The following AIG1 variants were observed in gnomAD, a reference collection of about 807,000 sequenced individuals.
The protein encoded by AIG1 is androgen induced 1, also known as androgen-induced gene 1 protein.
In AIG1, 23 loss-of-function variants were observed where a neutral mutation model predicts 31.4. The observed-to-expected ratio is 0.73, with a 90% CI of 0.53 to 1.04. The LOEUF is 1.04. AIG1 is among the 50% of genes least tolerant of loss of function. The pLI is 0.00. For synonymous variants in AIG1, 100 were observed against 110.5 expected, an observed-to-expected ratio of 0.90 and a Z score of 0.60; for missense variants, 274 against 295.0, an observed-to-expected ratio of 0.93 and a Z score of 0.52.
At chr6:143,110,896 C>G (rs1781220587) in intron 1 of AIG1, among the ~76,000 whole-genome samples, 1 of 152,130 alleles carries the variant, frequency 6.6e-6, no homozygotes, top group Admixed American at 6.5e-5. Flanking sequence ...TTCATTGATG[C>G]AAAGCAAATG....
At chr6:143,245,797 G>T (rs1387115589) in intron 3 of AIG1, among the ~76,000 whole-genome samples, 2 of 152,178 alleles carry the variant, frequency 1.3e-5, no homozygotes, top group African/African-American at 2.4e-5. Flanking sequence ...GCAACGCATA[G>T]TTGGTGAATT....
At chr6:143,172,874 G>T (rs1049577822) in intron 3 of AIG1, among the ~76,000 whole-genome samples, 3 of 152,102 alleles carry the variant, frequency 2.0e-5, no homozygotes, top group African/African-American at 7.2e-5. Flanking sequence ...CCGTAGCCTT[G>T]AATGATCGTT....
At chr6:143,109,053 C>G (rs140295613) in intron 1 of AIG1, among the ~76,000 whole-genome samples, 4 of 152,290 alleles carry the variant, frequency 2.6e-5, no homozygotes, top group South Asian at 4.1e-4. Flanking sequence ...TTCTTCAATT[C>G]TACAGATTTC....
chr6:143,247,395 G>A (rs1794694871), intron 3 of AIG1, among the ~76,000 whole-genome samples: 1 of 152,238 alleles, frequency 6.6e-6, no homozygotes, highest in African/African-American at 2.4e-5. Context: ...CTCCCAAAGT[G>A]TATCCAAGAT....
At chr6:143,065,601 G>A (rs1477644360) in intron 1 of AIG1, among the ~76,000 whole-genome samples, 1 of 152,174 alleles carries the variant, frequency 6.6e-6, no homozygotes, top group Non-Finnish European at 1.5e-5. Context: ...GTATTTTGAG[G>A]TCTTAAAGTA....
chr6:143,322,347 A>G (rs1385304632), intron 4 of AIG1, among the ~76,000 whole-genome samples: 1 of 152,210 alleles, frequency 6.6e-6, no homozygotes, highest in Non-Finnish European at 1.5e-5. Context: ...GTGGAATTTC[A>G]GATGTTCTTC....
chr6:143,319,216 G>A (rs1335178203), intron 4 of AIG1, among the ~76,000 whole-genome samples: 1 of 152,042 alleles, frequency 6.6e-6, no homozygotes, highest in Non-Finnish European at 1.5e-5. Flanking sequence ...CAAAAATATG[G>A]AACAAGCCCA....
At chr6:143,169,179 T>TA (rs1226401595) in intron 3 of AIG1, among the ~76,000 whole-genome samples, 1 of 152,006 alleles carries the variant, frequency 6.6e-6, no homozygotes, top group East Asian at 1.9e-4. Context: ...TGTAGCTTTT[T>TA]AAAAAAATGT....
chr6:143,153,636 C>T (rs909150913), intron 2 of AIG1, among the ~76,000 whole-genome samples: 4 of 152,110 alleles, frequency 2.6e-5, no homozygotes, highest in African/African-American at 7.2e-5. Context: ...CGTGAGCCAC[C>T]GTGCCCAGCT....
At chr6:143,192,502 G>A (rs1178301356) in intron 3 of AIG1, among the ~76,000 whole-genome samples, 1 of 152,028 alleles carries the variant, frequency 6.6e-6, no homozygotes, top group Non-Finnish European at 1.5e-5. Flanking sequence ...CTTCTCGGGA[G>A]GCTGATGCAG....
intron 3 of AIG1, among the ~76,000 whole-genome samples, chr6:143,259,504 T>A (rs117641171): frequency 0.01 from 1,566 of 152,304 alleles, 43 homozygotes; most frequent in East Asian, 0.064. Flanking sequence ...TTCAAGGTTT[T>A]TTCTTGGGCC....
At chr6:143,175,869 T>C (rs2328459) in intron 3 of AIG1, among the ~76,000 whole-genome samples, 100,940 of 152,064 alleles carry the variant, frequency 0.66, 34,933 homozygotes, top group East Asian at 0.98. Flanking sequence ...CTTTTGGTGG[T>C]GCTAAATAAC....
At chr6:143,116,308 G>A (rs200153) in intron 1 of AIG1, among the ~76,000 whole-genome samples, 51,439 of 152,040 alleles carry the variant, frequency 0.34, 11,446 homozygotes, top group Non-Finnish European at 0.49. Context: ...TCATATTCAG[G>A]CCTCAAAACA....
chr6:143,329,527 A>G lies in AIG1; in HGVS notation c.516-3755A>G, dbSNP rs1776899036. Among the ~76,000 whole-genome samples the G allele has an allele frequency of 6.6e-6, 1 of 152,204 alleles. No homozygotes were observed. Among genetic ancestry groups the G allele is most frequent in the South Asian group, 2.1e-4 (1 of 4,826 alleles). On this transcript the variant is annotated intron_variant, in intron 4 of 5. Coordinates refer to ENST00000357847, the MANE Select transcript of AIG1 (RefSeq NM_016108.4). This position sits in a 1 kb window ranked among gnomAD's most constrained non-coding sequence, Gnocchi z 4.9. ...TACCCTATAAGCTCTGATTCATACAATAGTACGATGAGAATGCCATGCTAT... is the reference window on the plus strand; with the variant it reads ...TACCCTATAAGCTCTGATTCATACAGTAGTACGATGAGAATGCCATGCTAT...
At chr6:143,064,541 A>C (rs1407216608) in intron 1 of AIG1, among the ~76,000 whole-genome samples, 1 of 152,252 alleles carries the variant, frequency 6.6e-6, no homozygotes, top group African/African-American at 2.4e-5. Context: ...CATTTAAGCC[A>C]TTCAATTGAT....
chr6:143,276,082 G>A (rs950949107), intron 3 of AIG1, among the ~76,000 whole-genome samples: 1 of 152,146 alleles, frequency 6.6e-6, no homozygotes, highest in African/African-American at 2.4e-5. Flanking sequence ...TTAGGATTCA[G>A]CAAGAGATAG....
At chr6:143,336,619 G>C (rs1025577685) in intron 5 of AIG1, among the ~76,000 whole-genome samples, 2 of 152,238 alleles carry the variant, frequency 1.3e-5, no homozygotes, top group South Asian at 4.1e-4. Flanking sequence ...GTGGGGGACA[G>C]AGTTCAGCTC....
In AIG1 at chr6:143,298,417, T is replaced by C. The variant is rs946355295; in HGVS notation, c.515+14192T>C. 1.3e-5 allele frequency among the ~76,000 whole-genome samples: 2 copies of C among 152,234 alleles called. No individual in the cohort carries two copies. The highest frequency in any genetic ancestry group is 2.9e-5 in the Non-Finnish European group (2 of 68,038). On this transcript the variant is annotated intron_variant, in intron 4 of 5. Transcript: ENST00000357847. The surrounding 1 kb of genome is among the most constrained non-coding windows in gnomAD (Gnocchi z 5.1). The stretch of plus-strand genomic sequence containing the variant: ...GTAAAGAATGTTAGAAAATGTATTA[T>C]AAAGAAATAGTTAATATGAATACAA...
chr6:143,253,145 C>T (rs1020367315), intron 3 of AIG1, among the ~76,000 whole-genome samples: 2 of 152,198 alleles, frequency 1.3e-5, no homozygotes, highest in African/African-American at 2.4e-5. Flanking sequence ...CAGCCGCACT[C>T]GAGGGCATGA....
Sources: gnomAD v4.1 joint callset for allele counts (sites outside exome capture counted in the v4.1 genomes callset) on GRCh38, gnomAD v4.1.1 for gene constraint, Gnocchi (gnomAD v3.1) non-coding constraint, MANE v1.5 for transcripts, NCBI Gene and HGNC (gene_info 2026-07-23, HGNC 2026-07-21) for gene names.